OVGP1: variants seen among roughly 807,000 people sequenced by gnomAD.
OVGP1 encodes the protein oviductal glycoprotein 1.
In OVGP1, 26 loss-of-function variants were observed where a neutral mutation model predicts 48.2. That is an observed-to-expected ratio of 0.54 (90% CI 0.40 to 0.75). The LOEUF is 0.75. OVGP1 is among the 30% of genes least tolerant of loss of function. OVGP1 has a pLI of 0.00. For missense variants in OVGP1, 791 were observed against 820.6 expected, an observed-to-expected ratio of 0.96 and a Z score of 0.44; for synonymous variants, 294 against 305.7, an observed-to-expected ratio of 0.96 and a Z score of 0.40.
At chr1:111,415,640 C>T (rs1456760376) in intron 10 of OVGP1, among the ~76,000 whole-genome samples, 1 of 152,170 alleles carries the variant, frequency 6.6e-6, no homozygotes, top group South Asian at 2.1e-4. Context: ...CTTAAGCCCT[C>T]ACTTTGACAT....
intron 3 of OVGP1, 160 bp from the exon 4 acceptor site, chr1:111,425,599 G>A: frequency 2.3e-6 from 3 of 1,300,598 alleles, no homozygotes; most frequent in Admixed American, 2.1e-5. Flanking sequence ...GAGAGATGAT[G>A]AGCACAGGAG....
rs201277120 is a variant in OVGP1, at chr1:111,414,979, T to C, written c.1522A>G (p.Thr508Ala). ...GACTGATAACCCACAGAGGTCAGGGTCTTCTGTCCAGTGGTCACAGATTGA... is the reference window on the plus strand; with the variant it reads ...GACTGATAACCCACAGAGGTCAGGGCCTTCTGTCCAGTGGTCACAGATTGA... ...GHQSVTTGQKTLTSVGYQSVT... is the reference protein window; with the variant it reads ...GHQSVTTGQKALTSVGYQSVT... Residue 508 changes from threonine to alanine, a missense_variant, in exon 11 of 11, where the codon ACC (threonine) becomes GCC (alanine). By Grantham distance (58) the Thr-to-Ala change is moderately conservative (BLOSUM62 0). Transcript: ENST00000369732. 15 of 1,579,618 alleles carry C rather than the reference T, an allele frequency of 9.5e-6. No homozygotes were observed. Among genetic ancestry groups the C allele is most frequent in the Middle Eastern group, 1.7e-4 (1 of 6,000 alleles).
chr1:111,415,676 T>C (rs1462527816), intron 10 of OVGP1, among the ~76,000 whole-genome samples: 1 of 152,168 alleles, frequency 6.6e-6, no homozygotes, highest in Non-Finnish European at 1.5e-5. Context: ...CAGCAAAACC[T>C]TGCCTCGAGG....
In OVGP1 at chr1:111,414,367, G is replaced by T; in HGVS notation, c.*97C>A. 9.1e-7 allele frequency: 1 copy of T among 1,099,960 alleles called. No individual in the cohort carries two copies. Among genetic ancestry groups the T allele is most frequent in the Non-Finnish European group, 1.3e-6 (1 of 768,284 alleles). 68.1% of individuals were successfully genotyped at this position (1,099,960 alleles called of 1,614,324 possible). On this transcript the variant is annotated 3_prime_UTR_variant, in exon 11 of 11. Transcript: ENST00000369732. ...ATGGAAAAGAGATTGGCCTATTCTG[G>T]TTTTGATGCCTGCTTTGCCCCGGGA...
intron 7 of OVGP1, 47 bp from the exon 8 acceptor site, chr1:111,421,508 T>C: frequency 6.2e-7 from 1 of 1,608,828 alleles, no homozygotes; most frequent in Non-Finnish European, 8.5e-7. Flanking sequence ...TAAGAGCCAA[T>C]GGCCTGAGCT....
At chr1:111,424,347 C>G (rs912888528) in intron 4 of OVGP1, among the ~76,000 whole-genome samples, 1 of 152,120 alleles carries the variant, frequency 6.6e-6, no homozygotes, top group Admixed American at 6.5e-5. Context: ...TGGAAAAATT[C>G]TAACTTATTG....
chr1:111,414,427 G>T lies in OVGP1; in HGVS notation c.*37C>A. On this transcript the variant is annotated 3_prime_UTR_variant, in exon 11 of 11. Coordinates refer to ENST00000369732, the MANE Select transcript of OVGP1 (RefSeq NM_002557.4). The stretch of plus-strand genomic sequence containing the variant: ...TTCCAACATGTCACTTAGAAGAAAA[G>T]ACAAGGGTTTTCCCTGGTTTCTGAC... 1 of 1,553,826 alleles carries T rather than the reference G, an allele frequency of 6.4e-7. No individual in the cohort carries two copies. The highest frequency in any genetic ancestry group is 8.7e-7 in the Non-Finnish European group (1 of 1,149,134).
intron 3 of OVGP1, 111 bp downstream of exon 3, chr1:111,426,326 A>G: frequency 1.4e-6 from 2 of 1,476,484 alleles, no homozygotes; most frequent in South Asian, 2.5e-5. Context: ...TTTGAGAGGA[A>G]GGTAGGACTG....
At position 111,426,568 on chromosome 1, in the gene OVGP1, G is replaced by C. The variant is rs747927870; in HGVS notation, c.129C>G (p.Pro43=). ...HSRPGPASIL[P]HDLDPFLCTH... ...TGCAGAGAAAGGGGTCCAGGTCATG[G>C]GGCAAGATCGAGGCAGGGCCTGGCC... The change falls in exon 3 of 11, where the codon CCC becomes CCG. Residue 43 remains proline (P), a synonymous_variant. Transcript: ENST00000369732. 2.0e-5 allele frequency: 32 copies of C among 1,614,106 alleles called. No homozygotes were observed. Among genetic ancestry groups the C allele is most frequent in the Non-Finnish European group, 2.7e-5 (32 of 1,179,990 alleles).
Position 111,421,309 on chromosome 1 carries a change from G to A in OVGP1, c.870C>T (p.Tyr290=). 6.2e-7 allele frequency: 1 copy of A among 1,612,294 alleles called. No homozygotes were observed. Among genetic ancestry groups the A allele is most frequent in the Non-Finnish European group, 8.5e-7 (1 of 1,179,380 alleles). ...AAGCCAAGAAGCCTTCTTGCTTGGT[G>A]TACTTCCCTGGAGATGCTGGTCCGA... ...RAIGPASPGK[Y]TKQEGFLAYF... The change falls in exon 8 of 11, where the codon TAC becomes TAT. Residue 290 remains tyrosine (Y), a synonymous_variant. Transcript: ENST00000369732.
Position 111,416,381 on chromosome 1 carries a change from G to A in OVGP1, c.1098C>T (p.Phe366=), listed in dbSNP as rs755552741. 1.9e-6 allele frequency: 3 copies of A among 1,609,104 alleles called. No individual in the cohort carries two copies. Among genetic ancestry groups the A allele is most frequent in the Admixed American group, 1.7e-5 (1 of 59,222 alleles). Residue 366 remains phenylalanine (F), a synonymous_variant, in exon 10 of 11, where the codon TTC becomes TTT. Transcript: ENST00000369732. The part of the protein sequence containing the change: ...TLDMDDVRGT[F]CGTGPFPLVY... The stretch of plus-strand genomic sequence containing the variant: ...CAAGGGGGAAAGGGCCAGTGCCACA[G>A]AACGTGCCCCTGACGTCATCCATGT...
chr1:111,427,080 C>G lies in OVGP1; in HGVS notation c.37G>C (p.Val13Leu). ...KLLLWVGLVL[V>L]LKHHDGAAHK... is the part of the protein sequence containing the mutation. The stretch of plus-strand genomic sequence containing the variant: ...TCCTTACCATCGTGGTGTTTCAGCA[C>G]AAGAACCAGCCCTGTGAGAAACAAA... The change falls in exon 2 of 11, where the codon GTG becomes CTG. Residue 13 changes from valine (V) to leucine (L), a missense_variant. Val to Leu is a conservative substitution (Grantham distance 32). Coordinates refer to ENST00000369732, the MANE Select transcript of OVGP1 (RefSeq NM_002557.4). 6.2e-7 allele frequency: 1 copy of G among 1,614,124 alleles called. No individual in the cohort carries two copies. Among genetic ancestry groups the G allele is most frequent in the Non-Finnish European group, 8.5e-7 (1 of 1,180,000 alleles).
At chr1:111,422,178 T>G (rs377250496) in intron 6 of OVGP1, among the ~76,000 whole-genome samples, 1 of 152,210 alleles carries the variant, frequency 6.6e-6, no homozygotes, top group Admixed American at 6.5e-5. Flanking sequence ...GAAACTCAGA[T>G]AGGTTAACTA....
Position 111,414,350 on chromosome 1 carries a change from G to C in OVGP1, c.*114C>G. ...TGTTTACAGTTTATTTAATGGAAAA[G>C]AGATTGGCCTATTCTGGTTTTGATG... On this transcript the variant is annotated 3_prime_UTR_variant, in exon 11 of 11. Transcript: ENST00000369732. 1.2e-6 allele frequency: 1 copy of C among 831,156 alleles called. No homozygotes were observed. 51.5% of individuals were successfully genotyped at this position (831,156 alleles called of 1,614,324 possible).
At chr1:111,427,559 C>CTATG (rs1652428081) in intron 1 of OVGP1, 138 bp downstream of exon 1, 14 of 1,147,254 alleles carry the variant, frequency 1.2e-5, no homozygotes, top group Non-Finnish European at 1.5e-5. Context: ...TGACCATTAA[C>CTATG]TATGGCCCAT....
At chr1:111,425,783 T>G (rs1003895884) in intron 3 of OVGP1, among the ~76,000 whole-genome samples, 2 of 152,270 alleles carry the variant, frequency 1.3e-5, no homozygotes, top group East Asian at 3.8e-4. Context: ...GCAATGTCTA[T>G]GTGCCATTTA....
rs773037762 is a variant in OVGP1, at chr1:111,419,677, T to C, written c.953A>G (p.Tyr318Cys). 1.9e-5 allele frequency: 30 copies of C among 1,613,742 alleles called. No individual in the cohort carries two copies. Among genetic ancestry groups the C allele is most frequent in the Non-Finnish European group, 2.5e-5 (30 of 1,179,812 alleles). The change falls in exon 9 of 11, where the codon TAT (tyrosine) becomes TGT (cysteine). Residue 318 changes from tyrosine to cysteine, a missense_variant. Physicochemically the swap from Tyr to Cys is radical, Grantham distance 194. Coordinates refer to ENST00000369732, the MANE Select transcript of OVGP1 (RefSeq NM_002557.4). The part of the protein sequence containing the change: ...GAKKHWIDYQ[Y>C]VPYANKGKEW... ...TTTCCCCTTGTTGGCATACGGGACA[T>C]ACTGGTAATCAATCCAGTGCTTCTT...
chr1:111,416,964 G>A (rs972442542), intron 9 of OVGP1, among the ~76,000 whole-genome samples: 26 of 152,314 alleles, frequency 1.7e-4, no homozygotes, highest in African/African-American at 6.3e-4. Flanking sequence ...TTCTGGAGAT[G>A]GATGGTGGTG....
intron 9 of OVGP1, among the ~76,000 whole-genome samples, chr1:111,417,695 G>A (rs1019503115): frequency 1.3e-5 from 2 of 151,916 alleles, no homozygotes; most frequent in Admixed American, 6.6e-5. Flanking sequence ...TGGATCAGAG[G>A]ACAGAATATT....
Sources: gnomAD v4.1 joint callset for allele counts (sites outside exome capture counted in the v4.1 genomes callset) on GRCh38, gnomAD v4.1.1 for gene constraint, MANE v1.5 for transcripts, NCBI Gene and HGNC (gene_info 2026-07-23, HGNC 2026-07-21) for gene names.